XAF1: variants seen among roughly 807,000 people sequenced by gnomAD.
XAF1 encodes XIAP associated factor 1, also known as XIAP-associated factor 1.
A neutral mutation model predicts 32.3 loss-of-function variants in XAF1; 32 were observed. The observed-to-expected ratio is 0.99, with a 90% confidence interval of 0.75 to 1.33. The LOEUF (loss-of-function observed/expected upper bound fraction) is 1.33. Ranked by LOEUF, XAF1 falls within the 40% of genes most tolerant of loss-of-function variation. XAF1 has a pLI of 0.00. For synonymous variants in XAF1, 120 were observed against 125.9 expected (o/e 0.95, Z 0.31); for missense variants, 379 against 366.0 (o/e 1.04, Z -0.29).
intron 5 of XAF1, among the ~76,000 whole-genome samples, chr17:6,768,113 T>TTTTC (rs755232266): frequency 5.3e-5 from 8 of 151,772 alleles, no homozygotes; most frequent in Non-Finnish European, 8.8e-5. Flanking sequence ...TTTTTGCTTT[T>TTTTC]TTTCTTTCTT....
chr17:6,764,152 T>C (rs991371673), intron 5 of XAF1, among the ~76,000 whole-genome samples: 2 of 152,230 alleles, frequency 1.3e-5, no homozygotes, highest in African/African-American at 4.8e-5. Flanking sequence ...CTCTCTGAGC[T>C]TCTTTCTTCT....
chr17:6,768,014 T>C (rs1459260526), intron 5 of XAF1, among the ~76,000 whole-genome samples: 3 of 152,214 alleles, frequency 2.0e-5, no homozygotes, highest in Non-Finnish European at 4.4e-5. Flanking sequence ...AGAATTTTGT[T>C]TCATTTTGCT....
intron 1 of XAF1, 120 bp from the exon 2 acceptor site, chr17:6,757,969 A>C: frequency 7.3e-7 from 1 of 1,379,288 alleles, no homozygotes; most frequent in Non-Finnish European, 1.0e-6. Context: ...TGGTGTCATC[A>C]TCATCACATG....
chr17:6,759,613 G>T (rs770013852), intron 2 of XAF1, 49 bp from the exon 3 acceptor site: 2 of 1,606,004 alleles, frequency 1.2e-6, no homozygotes, highest in South Asian at 2.2e-5. Flanking sequence ...CCTGGGTGCT[G>T]GGTGGACCCA....
In XAF1 at chr17:6,773,979, A is replaced by G. The variant is rs562119921; in HGVS notation, c.*810A>G. Reference sequence around the variant, plus strand: ...TTAAAATGGCCATACTACCCAAAGCAATTTATAGATTCAATGCTATTCCTA... The same window carrying G: ...TTAAAATGGCCATACTACCCAAAGCGATTTATAGATTCAATGCTATTCCTA... On this transcript the variant is annotated 3_prime_UTR_variant, in exon 7 of 7. Coordinates refer to ENST00000361842, the MANE Select transcript of XAF1 (RefSeq NM_017523.5). 32 of 152,348 alleles carry G rather than the reference A, an allele frequency of 2.1e-4. No homozygotes were observed. The highest frequency in any genetic ancestry group is 7.0e-4 in the African/African-American group (29 of 41,582). 9.4% of individuals were successfully genotyped at this position (152,348 alleles called of 1,614,324 possible).
chr17:6,758,326 T>C, intron 2 of XAF1, 102 bp downstream of exon 2: 2 of 1,505,804 alleles, frequency 1.3e-6, no homozygotes, highest in Non-Finnish European at 1.8e-6. Context: ...GAGGGTCTAG[T>C]CCTCCCTGCA....
intron 5 of XAF1, among the ~76,000 whole-genome samples, chr17:6,765,168 C>T (rs924943307): frequency 6.6e-6 from 1 of 152,164 alleles, no homozygotes; most frequent in East Asian, 1.9e-4. Context: ...AATCCCAGCA[C>T]TTTGGGAGGC....
chr17:6,766,990 C>A (rs1975669252), intron 5 of XAF1, among the ~76,000 whole-genome samples: 1 of 152,124 alleles, frequency 6.6e-6, no homozygotes, highest in Non-Finnish European at 1.5e-5. Flanking sequence ...CAAATAGTTT[C>A]TTGAGAAAGA....
chr17:6,769,024 C>G (rs1002713741), intron 5 of XAF1, among the ~76,000 whole-genome samples: 3 of 144,652 alleles, frequency 2.1e-5, no homozygotes, highest in Non-Finnish European at 4.5e-5. Context: ...CATTCTCATT[C>G]TAGCTTCATG....
chr17:6,759,566 C>G, intron 2 of XAF1, 96 bp from the exon 3 acceptor site: 2 of 1,586,936 alleles, frequency 1.3e-6, no homozygotes, highest in Middle Eastern at 2.3e-4. Context: ...AGACCCAAAC[C>G]CGGAACACTG....
At chr17:6,771,327 T>C (rs1976018972) in intron 6 of XAF1, 1 of 206,222 alleles carries the variant, frequency 4.8e-6, no homozygotes, top group Non-Finnish European at 9.8e-6. Flanking sequence ...ACCCAGTCTA[T>C]CTCTCTCATG....
In XAF1 at chr17:6,760,399, C is replaced by T; in HGVS notation, c.226-7C>T. The T allele has an allele frequency of 6.2e-7, 1 of 1,608,314 alleles. No individual in the cohort carries two copies. Among genetic ancestry groups the T allele is most frequent in the Admixed American group, 1.7e-5 (1 of 59,466 alleles). On this transcript the variant is annotated splice_region_variant and splice_polypyrimidine_tract_variant and intron_variant, in intron 3 of 6. Coordinates refer to ENST00000361842, the MANE Select transcript of XAF1 (RefSeq NM_017523.5). The stretch of plus-strand genomic sequence containing the variant: ...AGTGATCATGCCCTTCCTGCTGCCT[C>T]CCACAGGCCAATGAGTGCCAGGAGC...
chr17:6,755,573 C>T, upstream of XAF1: 1 of 1,005,830 alleles, frequency 9.9e-7, no homozygotes, highest in South Asian at 4.2e-5. Context: ...CCAGAGCCTC[C>T]CTGGACGCTG....
intron 4 of XAF1, among the ~76,000 whole-genome samples, chr17:6,761,325 C>T (rs1297612934): frequency 3.3e-5 from 5 of 152,184 alleles, no homozygotes; most frequent in African/African-American, 7.2e-5. Flanking sequence ...ACTGGACTCC[C>T]GCACTTCCTG....
Position 6,762,247 on chromosome 17 carries a change from A to G in XAF1, c.507+7A>G, listed in dbSNP as rs1378336912. ...TAAGTATTTCCACCATATGGTGAGT[A>G]GCACTTAGTAATTTTCTAATGGTGC... On this transcript the variant is annotated splice_region_variant and intron_variant, in intron 5 of 6. Transcript: ENST00000361842. 2 of 1,596,452 alleles carry G rather than the reference A, an allele frequency of 1.3e-6. No individual in the cohort carries two copies. The highest frequency in any genetic ancestry group is 2.7e-5 in the African/African-American group (2 of 74,442).
chr17:6,764,089 T>G (rs1347998986), intron 5 of XAF1, among the ~76,000 whole-genome samples: 1 of 152,224 alleles, frequency 6.6e-6, no homozygotes, highest in Non-Finnish European at 1.5e-5. Flanking sequence ...ACTGGATTTG[T>G]GCTCAGAAAC....
chr17:6,767,655 C>G (rs1975712598), intron 5 of XAF1, among the ~76,000 whole-genome samples: 1 of 152,098 alleles, frequency 6.6e-6, no homozygotes, highest in African/African-American at 2.4e-5. Context: ...AATCACAATG[C>G]CTTTATCACT....
rs1235085314 is a variant in XAF1 at position 6,770,896 on chromosome 17, C to T, written c.761C>T (p.Pro254Leu). The change falls in exon 6 of 7, where the codon CCT (proline) becomes CTT (leucine). Residue 254 changes from proline to leucine, a missense_variant. Coordinates refer to ENST00000361842, the MANE Select transcript of XAF1 (RefSeq NM_017523.5). The stretch of plus-strand genomic sequence containing the variant: ...GAGCCCAAGCCCAGGACCAGCTCCC[C>T]TAGAGGAGATAAAGCAGCCTATGAC... Reference protein sequence around the residue: ...MSEPKPRTSSPRGDKAAYDIL... With the variant: ...MSEPKPRTSSLRGDKAAYDIL... 3.1e-6 allele frequency: 5 copies of T among 1,614,036 alleles called. No individual in the cohort carries two copies. Among genetic ancestry groups the T allele is most frequent in the African/African-American group, 2.7e-5 (2 of 74,914 alleles).
chr17:6,760,594 C>T lies in XAF1; in HGVS notation c.414C>T (p.Leu138=), dbSNP rs768150405. Residue 138 remains leucine, a synonymous_variant, in exon 4 of 7, where the codon CTC becomes CTT. Coordinates refer to ENST00000361842, the MANE Select transcript of XAF1 (RefSeq NM_017523.5). ...TCTGTCGCAGTGAACAGGCCCAGCT[C>T]GGGAAAGGTAAGCACACAAACTGGG... ...RDVCRSEQAQ[L]GKGERISAPE... The T allele has an allele frequency of 6.2e-6, 10 of 1,606,588 alleles. No individual in the cohort carries two copies. Among genetic ancestry groups the T allele is most frequent in the South Asian group, 2.2e-5 (2 of 90,784 alleles).
Sources: allele counts gnomAD v4.1 joint callset (sites outside exome capture counted in the v4.1 genomes callset), GRCh38; gene constraint gnomAD v4.1.1; transcripts MANE v1.5; gene names NCBI Gene and HGNC (gene_info 2026-07-23, HGNC 2026-07-21).